Variants in ABTB2 observed in about 807,000 individuals in gnomAD.
ABTB2 encodes the protein ankyrin repeat and BTB/POZ domain-containing protein 2.
A neutral mutation model predicts 104.1 loss-of-function variants in ABTB2; 56 were observed. The observed-to-expected ratio is 0.54, with a 90% CI of 0.43 to 0.67. ABTB2 has a LOEUF of 0.67. Among genes scored for constraint, ABTB2 ranks in the 30% least tolerant of loss-of-function variants. The probability of loss-of-function intolerance (pLI) is 0.00; values close to 1 mark genes in which losing one functional copy is unlikely to be tolerated. For synonymous variants in ABTB2, 606 were observed against 608.2 expected (o/e 1.00, Z 0.05); for missense variants, 1,279 against 1,407.7 (o/e 0.91, Z 1.46).
In ABTB2 at chr11:34,168,084, G is replaced by A; in HGVS notation, c.1564-92C>T. Reference sequence around the variant, plus strand: ...CTCTGCCCCAGAAACCACAGATCGGGCACCCCGCCACCCCAGCCGAGCATC... The same window carrying A: ...CTCTGCCCCAGAAACCACAGATCGGACACCCCGCCACCCCAGCCGAGCATC... On this transcript the variant is annotated intron_variant, in intron 5 of 16. Coordinates refer to ENST00000435224, the MANE Select transcript of ABTB2 (RefSeq NM_145804.3). The A allele has an allele frequency of 2.3e-6, 3 of 1,295,204 alleles. No individual in the cohort carries two copies. In the East Asian group the frequency reaches 7.5e-5, roughly 33 times the overall value. The allele number at this position is 1,295,204 out of a possible 1,614,324, so 80.2% of individuals were successfully genotyped here.
intron 4 of ABTB2, among the ~76,000 whole-genome samples, chr11:34,172,425 T>TGA (rs1852891772): frequency 1.2e-5 from 1 of 83,442 alleles, no homozygotes; most frequent in African/African-American, 4.7e-5. Context: ...TATATGTGTG[T>TGA]GTGTGTGTGT....
At chr11:34,320,346 T>C (rs1176661695) in intron 1 of ABTB2, among the ~76,000 whole-genome samples, 2 of 152,188 alleles carry the variant, frequency 1.3e-5, no homozygotes, top group Non-Finnish European at 2.9e-5. Flanking sequence ...GAATGCTTTG[T>C]ATTTCCTGGG....
intron 1 of ABTB2, among the ~76,000 whole-genome samples, chr11:34,276,954 T>A (rs2083443080): frequency 6.6e-6 from 1 of 152,088 alleles, no homozygotes; most frequent in Non-Finnish European, 1.5e-5. Flanking sequence ...CAGGTTGGAG[T>A]GCAATGGTGT....
At chr11:34,265,711 G>A (rs1011691370) in intron 1 of ABTB2, among the ~76,000 whole-genome samples, 2 of 146,914 alleles carry the variant, frequency 1.4e-5, no homozygotes, top group Middle Eastern at 3.3e-3. Flanking sequence ...GCTCATGCCT[G>A]TAAACCCAAC....
At chr11:34,202,296 G>A (rs1565139581) in intron 2 of ABTB2, among the ~76,000 whole-genome samples, 2 of 152,316 alleles carry the variant, frequency 1.3e-5, no homozygotes, top group Non-Finnish European at 2.9e-5. Context: ...TGAGGATCAA[G>A]GGGAAAGTGT....
chr11:34,204,722 T>C, intron 1 of ABTB2, 32 bp from the exon 2 acceptor site: 4 of 1,593,150 alleles, frequency 2.5e-6, no homozygotes, highest in Non-Finnish European at 3.4e-6. Flanking sequence ...AGGTCACACT[T>C]AGGAAGGAGT....
At chr11:34,308,114 A>T (rs1459682595) in intron 1 of ABTB2, among the ~76,000 whole-genome samples, 1 of 152,190 alleles carries the variant, frequency 6.6e-6, no homozygotes, top group Admixed American at 6.5e-5. Flanking sequence ...CAAAACGGGG[A>T]TAACAACAGT....
In ABTB2 at chr11:34,246,847, C is replaced by CTT. The variant is rs199831054; in HGVS notation, c.884-42159_884-42158dup. On this transcript the variant is annotated intron_variant, in intron 1 of 16. Coordinates refer to ENST00000435224, the MANE Select transcript of ABTB2 (RefSeq NM_145804.3). Reference sequence around the variant, plus strand: ...CATTTCTTTTCTTTTTTTCTTTTTTCTTTTTTTTTTTTTTTTTGAGACAGA... The same window carrying CTT: ...CATTTCTTTTCTTTTTTTCTTTTTTCTTTTTTTTTTTTTTTTTTTGAGACAGA... Among the ~76,000 whole-genome samples the CTT allele has an allele frequency of 8.0e-3, 948 of 118,266 alleles. 13 individuals carry two copies. The highest frequency in any genetic ancestry group is 0.027 in the African/African-American group (849 of 31,342). 77.6% of individuals were successfully genotyped at this position (118,266 alleles called of 152,430 possible). A position where few individuals can be genotyped will look rare whatever the true frequency, so the allele number is the denominator to read the frequency against.
intron 1 of ABTB2, among the ~76,000 whole-genome samples, chr11:34,319,226 T>C (rs1854973047): frequency 6.6e-6 from 1 of 152,244 alleles, no homozygotes; most frequent in Non-Finnish European, 1.5e-5. Flanking sequence ...TCAGGCCTTC[T>C]TCCCCACAAC....
intron 1 of ABTB2, among the ~76,000 whole-genome samples, chr11:34,228,914 G>C (rs761732776): frequency 2.1e-4 from 32 of 151,992 alleles, no homozygotes; most frequent in Non-Finnish European, 3.1e-4. Context: ...TAGGTCAGGA[G>C]TTCGAGACCA....
chr11:34,342,917 T>TTTTA (rs1855279256), intron 1 of ABTB2, among the ~76,000 whole-genome samples: 2 of 142,640 alleles, frequency 1.4e-5, no homozygotes, highest in Admixed American at 7.1e-5. Flanking sequence ...GTCACTCCCA[T>TTTTA]TTCATTTATT....
chr11:34,342,813 T>C (rs1335637704), intron 1 of ABTB2, among the ~76,000 whole-genome samples: 3 of 152,168 alleles, frequency 2.0e-5, no homozygotes, highest in African/African-American at 7.2e-5. Flanking sequence ...GTGAGCAAGC[T>C]ACCAAACCTC....
At chr11:34,225,379 A>T (rs1853672839) in intron 1 of ABTB2, among the ~76,000 whole-genome samples, 1 of 152,200 alleles carries the variant, frequency 6.6e-6, no homozygotes. Flanking sequence ...CCAGCTGTAA[A>T]CAATAGCTCA....
intron 1 of ABTB2, among the ~76,000 whole-genome samples, chr11:34,249,643 T>C (rs534356226): frequency 2.3e-4 from 35 of 152,310 alleles, no homozygotes; most frequent in Non-Finnish European, 3.7e-4. Flanking sequence ...TAAGTAAATA[T>C]ATGAAATGTC....
intron 3 of ABTB2, among the ~76,000 whole-genome samples, chr11:34,187,631 G>GGACT (rs1256400865): frequency 6.6e-5 from 10 of 151,910 alleles, no homozygotes; most frequent in Admixed American, 6.6e-4. Flanking sequence ...TGAGTAGCTA[G>GGACT]GACTACAGGC....
chr11:34,158,392 G>C (rs969243941), intron 14 of ABTB2, among the ~76,000 whole-genome samples: 1 of 152,092 alleles, frequency 6.6e-6, no homozygotes, highest in African/African-American at 2.4e-5. Context: ...CAGCCTGGGC[G>C]ACAGTGAGAC....
intron 1 of ABTB2, among the ~76,000 whole-genome samples, chr11:34,309,014 T>C (rs950772982): frequency 6.6e-6 from 1 of 152,238 alleles, no homozygotes; most frequent in Non-Finnish European, 1.5e-5. Flanking sequence ...GGCATGAATG[T>C]GCTGCAATCC....
intron 1 of ABTB2, among the ~76,000 whole-genome samples, chr11:34,250,220 T>A (rs1215467879): frequency 6.6e-6 from 1 of 152,118 alleles, no homozygotes; most frequent in East Asian, 1.9e-4. Flanking sequence ...GGACCTTGTA[T>A]CTTCTGGCAA....
chr11:34,297,710 G>C (rs75553581), intron 1 of ABTB2, among the ~76,000 whole-genome samples: 39,254 of 143,756 alleles, frequency 0.27, 5,375 homozygotes, highest in South Asian at 0.4. Context: ...AGGTTGCAGT[G>C]AGCTGAGATC....
Sources: allele counts gnomAD v4.1 joint callset (sites outside exome capture counted in the v4.1 genomes callset), GRCh38; gene constraint gnomAD v4.1.1; transcripts MANE v1.5; gene names NCBI Gene and HGNC (gene_info 2026-07-23, HGNC 2026-07-21).